SMAD6: variants seen among roughly 807,000 people sequenced by gnomAD.
The protein encoded by SMAD6 is MAD homolog 6.
In SMAD6, 103 loss-of-function variants were observed where a neutral mutation model predicts 39.4. The observed-to-expected ratio is 2.62, with a 90% CI of 2.23 to 3.08. The LOEUF (loss-of-function observed/expected upper bound fraction) is 3.08, where lower values mean the gene tolerates loss of function less well. Ranked by LOEUF, SMAD6 falls within the 30% of genes most tolerant of loss-of-function variation. The probability of loss-of-function intolerance (pLI) is 0.00; values close to 1 mark genes in which losing one functional copy is unlikely to be tolerated. For synonymous variants in SMAD6, 445 were observed against 353.3 expected (o/e 1.26, Z -2.91); for missense variants, 1,104 against 742.9 (o/e 1.49, Z -5.65).
chr15:66,716,972 T>C, intron 3 of SMAD6: 2 of 1,288,318 alleles, frequency 1.6e-6, no homozygotes, highest in Non-Finnish European at 2.0e-6. Context: ...AAGTGAGGAG[T>C]TTGGCAAAGC....
intron 3 of SMAD6, among the ~76,000 whole-genome samples, chr15:66,737,552 G>A (rs1456517754): frequency 6.6e-6 from 1 of 152,130 alleles, no homozygotes; most frequent in African/African-American, 2.4e-5. Flanking sequence ...GGTTTTGTTG[G>A]GTGAGTGGGG....
At chr15:66,716,635 G>A in intron 3 of SMAD6, 137 bp downstream of exon 3, 6 of 716,610 alleles carry the variant, frequency 8.4e-6, no homozygotes, top group Non-Finnish European at 1.2e-5. Flanking sequence ...TGGATGGGAA[G>A]GTTGCCAATG....
chr15:66,736,827 G>A (rs139349530), intron 3 of SMAD6, among the ~76,000 whole-genome samples: 2,348 of 152,138 alleles, frequency 0.015, 63 homozygotes, highest in African/African-American at 0.052. Context: ...CCGCCACCAC[G>A]CCCAGCTAAT....
chr15:66,759,100 A>G (rs1190013303), intron 3 of SMAD6, among the ~76,000 whole-genome samples: 2 of 152,226 alleles, frequency 1.3e-5, no homozygotes. Context: ...ACGTTCCAAC[A>G]AAACTCGGTA....
chr15:66,736,091 G>A (rs535653241), intron 3 of SMAD6, among the ~76,000 whole-genome samples: 6 of 152,194 alleles, frequency 3.9e-5, no homozygotes, highest in African/African-American at 1.2e-4. Flanking sequence ...AGTGCTGGCC[G>A]TATGCCAAGC....
intron 3 of SMAD6, among the ~76,000 whole-genome samples, chr15:66,753,552 G>A (rs529786752): frequency 6.6e-6 from 1 of 152,288 alleles, no homozygotes; most frequent in South Asian, 2.1e-4. Context: ...TTTGAGAAGG[G>A]AAGCGACTTA....
At chr15:66,763,314 G>A (rs923833061) in intron 3 of SMAD6, among the ~76,000 whole-genome samples, 1 of 152,358 alleles carries the variant, frequency 6.6e-6, no homozygotes, top group South Asian at 2.1e-4. Context: ...ACCCTGGGGA[G>A]ACTGGCGGCT....
At chr15:66,761,063 C>T (rs1474040918) in intron 3 of SMAD6, among the ~76,000 whole-genome samples, 1 of 152,198 alleles carries the variant, frequency 6.6e-6, no homozygotes, top group African/African-American at 2.4e-5. Flanking sequence ...AGGAGAAACA[C>T]TGCCTCTTTA....
At chr15:66,745,362 C>T (rs1265662906) in intron 3 of SMAD6, among the ~76,000 whole-genome samples, 1 of 151,954 alleles carries the variant, frequency 6.6e-6, no homozygotes, top group Non-Finnish European at 1.5e-5. Flanking sequence ...TGTCTTCTGC[C>T]TGGCAGCTCC....
chr15:66,753,910 G>A (rs761531346), intron 3 of SMAD6, among the ~76,000 whole-genome samples: 2 of 152,156 alleles, frequency 1.3e-5, no homozygotes, highest in African/African-American at 4.8e-5. Flanking sequence ...GCCTGCCCTC[G>A]GAGGCCCCAA....
Position 66,755,832 on chromosome 15 carries a change from G to A in SMAD6, c.953-25165G>A, listed in dbSNP as rs138182466. Reference sequence around the variant, plus strand: ...GCTGAGGACCTGAGGCTCAGGGAGCGAGGAGCCTGCCCGAGGTGAGCAGCA... The same window carrying A: ...GCTGAGGACCTGAGGCTCAGGGAGCAAGGAGCCTGCCCGAGGTGAGCAGCA... On this transcript the variant is annotated intron_variant, in intron 3 of 3. Coordinates refer to ENST00000288840, the MANE Select transcript of SMAD6 (RefSeq NM_005585.5). Among the ~76,000 whole-genome samples, 304 of 152,254 alleles carry A rather than the reference G, an allele frequency of 2.0e-3. 2 individuals carry two copies. The highest frequency in any genetic ancestry group is 6.8e-3 in the African/African-American group (284 of 41,554).
At chr15:66,749,035 C>T (rs1482933481) in intron 3 of SMAD6, among the ~76,000 whole-genome samples, 1 of 152,148 alleles carries the variant, frequency 6.6e-6, no homozygotes, top group East Asian at 1.9e-4. Flanking sequence ...TCAAAATTAC[C>T]AGAGTGGGCT....
chr15:66,779,123 A>T (rs1254208260), intron 3 of SMAD6, among the ~76,000 whole-genome samples: 2 of 151,928 alleles, frequency 1.3e-5, no homozygotes, highest in East Asian at 3.9e-4. Flanking sequence ...GGAGAGGGGC[A>T]CTGGAGTGGG....
intron 3 of SMAD6, chr15:66,717,444 G>A (rs770978972): frequency 2.2e-6 from 1 of 455,956 alleles, no homozygotes; most frequent in Admixed American, 2.3e-5. Context: ...GCCATGGGCT[G>A]TTTGTCTCCA....
At chr15:66,708,379 A>C in intron 1 of SMAD6, 1 of 186,134 alleles carries the variant, frequency 5.4e-6, no homozygotes, top group Non-Finnish European at 1.2e-5. Context: ...CTGAGTGCCC[A>C]CCTTGCCCAC....
intron 2 of SMAD6, among the ~76,000 whole-genome samples, chr15:66,713,186 C>G (rs1893264326): frequency 6.6e-6 from 1 of 152,178 alleles, no homozygotes; most frequent in Admixed American, 6.5e-5. Context: ...CCGTGGGACT[C>G]AAGCTTTAAA....
At position 66,704,091 on chromosome 15, in the gene SMAD6, C is replaced by A. The variant is rs759173350; in HGVS notation, c.817+16C>A. Reference sequence around the variant, plus strand: ...TGCGGGCCCGGTGAGCGCGCTGCGCCGGCCGGGGGGGCCCCGGGTCCCCGT... The same window carrying A: ...TGCGGGCCCGGTGAGCGCGCTGCGCAGGCCGGGGGGGCCCCGGGTCCCCGT... On this transcript the variant is annotated intron_variant, in intron 1 of 3. Transcript: ENST00000288840. 3.5e-6 allele frequency: 5 copies of A among 1,440,432 alleles called. No individual in the cohort carries two copies. The highest frequency in any genetic ancestry group is 4.5e-6 in the Non-Finnish European group (5 of 1,104,784). 89.2% of individuals were successfully genotyped at this position (1,440,432 alleles called of 1,614,324 possible). A position where few individuals can be genotyped will look rare whatever the true frequency, so the allele number is the denominator to read the frequency against.
intron 3 of SMAD6, among the ~76,000 whole-genome samples, chr15:66,775,302 G>A (rs559141398): frequency 5.3e-5 from 8 of 152,222 alleles, no homozygotes; most frequent in East Asian, 1.9e-4. Flanking sequence ...TGCAGGTTTC[G>A]GTAGCTTGTT....
intron 3 of SMAD6, among the ~76,000 whole-genome samples, chr15:66,724,074 G>A (rs1435743675): frequency 6.6e-6 from 1 of 152,206 alleles, no homozygotes; most frequent in Non-Finnish European, 1.5e-5. Flanking sequence ...AATACCATAT[G>A]TTCTAAGAGT....
Sources: allele counts gnomAD v4.1 joint callset (sites outside exome capture counted in the v4.1 genomes callset), GRCh38; gene constraint gnomAD v4.1.1; transcripts MANE v1.5; gene names NCBI Gene and HGNC (gene_info 2026-07-23, HGNC 2026-07-21).